PARD3: variants seen among roughly 807,000 people sequenced by gnomAD.
PARD3 encodes the protein par-3 family cell polarity regulator.
In PARD3, 75 loss-of-function variants were observed where a neutral mutation model predicts 155.4. The ratio of observed to expected loss-of-function variants is 0.48; its 90% confidence interval spans 0.40 to 0.58. The LOEUF (loss-of-function observed/expected upper bound fraction) is 0.58, where lower values mean the gene tolerates loss of function less well. Ranked by LOEUF, PARD3 falls within the 20% of genes least tolerant of loss-of-function variation. PARD3 has a pLI of 0.00. For missense variants in PARD3, 1,642 were observed against 1,721.7 expected (o/e 0.95, Z 0.82); for synonymous variants, 576 against 610.5 (o/e 0.94, Z 0.83).
chr10:34,185,233 C>T (rs143311187), intron 22 of PARD3, among the ~76,000 whole-genome samples: 360 of 152,250 alleles, frequency 2.4e-3, no homozygotes, highest in African/African-American at 7.9e-3. Context: ...GCACTTCAAA[C>T]CTGGAAAAAC....
At chr10:34,638,001 T>C (rs576886710) in intron 2 of PARD3, among the ~76,000 whole-genome samples, 1 of 152,264 alleles carries the variant, frequency 6.6e-6, no homozygotes, top group African/African-American at 2.4e-5. Context: ...ACACGGACTG[T>C]GCACCCGCCA....
At chr10:34,396,696 T>C (rs1843381421) in intron 7 of PARD3, among the ~76,000 whole-genome samples, 1 of 152,332 alleles carries the variant, frequency 6.6e-6, no homozygotes, top group South Asian at 2.1e-4. Context: ...ACTGGAGTTT[T>C]ATATAAGGGA....
chr10:34,238,766 T>G (rs996756313), intron 22 of PARD3, among the ~76,000 whole-genome samples: 6 of 152,170 alleles, frequency 3.9e-5, no homozygotes, highest in Non-Finnish European at 7.3e-5. Context: ...CTCCACCTCC[T>G]ATAAGAAAGA....
intron 12 of PARD3, 129 bp from the exon 13 acceptor site, chr10:34,360,388 A>G: frequency 1.6e-6 from 1 of 625,824 alleles, no homozygotes; most frequent in South Asian, 2.2e-5. Flanking sequence ...GTTCCACAGC[A>G]AGATCCATGA....
chr10:34,258,109 T>C (rs773126452), intron 22 of PARD3, among the ~76,000 whole-genome samples: 71 of 152,310 alleles, frequency 4.7e-4, no homozygotes, highest in Middle Eastern at 3.4e-3. Flanking sequence ...TAGCCTGAGA[T>C]TGGATGTCTT....
chr10:34,696,532 A>G (rs2094176061), intron 1 of PARD3, 113 bp from the exon 2 acceptor site: 2 of 706,908 alleles, frequency 2.8e-6, no homozygotes, highest in East Asian at 5.0e-5. Context: ...ACCTCATATC[A>G]ACAATACTGC....
At chr10:34,202,992 C>T (rs1000319268) in intron 22 of PARD3, among the ~76,000 whole-genome samples, 3 of 152,182 alleles carry the variant, frequency 2.0e-5, no homozygotes, top group African/African-American at 7.2e-5. Context: ...TCACTGAGGT[C>T]TGCACTTGAA....
intron 2 of PARD3, among the ~76,000 whole-genome samples, chr10:34,546,323 C>T (rs1762574527): frequency 6.6e-6 from 1 of 151,980 alleles, no homozygotes; most frequent in African/African-American, 2.4e-5. Flanking sequence ...CGAGACCAGT[C>T]TGTCCAACAT....
intron 4 of PARD3, among the ~76,000 whole-genome samples, chr10:34,465,231 T>C (rs964957289): frequency 6.6e-6 from 1 of 152,084 alleles, no homozygotes; most frequent in Non-Finnish European, 1.5e-5. Context: ...GCAGAACCCA[T>C]GGACACAGAA....
intron 22 of PARD3, among the ~76,000 whole-genome samples, chr10:34,135,248 A>G (rs969090500): frequency 6.6e-6 from 1 of 152,236 alleles, no homozygotes; most frequent in East Asian, 1.9e-4. Flanking sequence ...AGACAGTTTT[A>G]GTCCAATACC....
chr10:34,377,909 C>T (rs1841419242), intron 10 of PARD3, 58 bp downstream of exon 10: 2 of 1,354,284 alleles, frequency 1.5e-6, no homozygotes, highest in Non-Finnish European at 2.0e-6. Context: ...TAAAAGTTGG[C>T]TCCTGGAAAT....
chr10:34,319,754 C>T (rs1958264567), intron 19 of PARD3, among the ~76,000 whole-genome samples: 1 of 152,204 alleles, frequency 6.6e-6, no homozygotes, highest in Non-Finnish European at 1.5e-5. Context: ...TAGTGTGTTG[C>T]TTAATGCCCT....
At chr10:34,801,147 G>C (rs763862863) in intron 1 of PARD3, among the ~76,000 whole-genome samples, 3 of 152,208 alleles carry the variant, frequency 2.0e-5, no homozygotes, top group Non-Finnish European at 4.4e-5. Context: ...GTGAAGGCAA[G>C]AGACAGACGC....
chr10:34,350,410 C>A (rs999902598), intron 14 of PARD3, among the ~76,000 whole-genome samples: 1 of 152,026 alleles, frequency 6.6e-6, no homozygotes, highest in East Asian at 1.9e-4. Flanking sequence ...TTTGGAAGGC[C>A]GAGGCGGGTG....
chr10:34,399,533 G>T (rs765784789), intron 6 of PARD3, 120 bp from the exon 7 acceptor site: 4 of 696,836 alleles, frequency 5.7e-6, no homozygotes, highest in Non-Finnish European at 1.0e-5. Context: ...AAAGAGAACA[G>T]AACAAAAATC....
At chr10:34,781,570 G>T (rs1490795759) in intron 1 of PARD3, among the ~76,000 whole-genome samples, 1 of 152,238 alleles carries the variant, frequency 6.6e-6, no homozygotes, top group Non-Finnish European at 1.5e-5. Context: ...AATGGTAGGT[G>T]ACAGCTGGAT....
chr10:34,694,042 G>A (rs535419545), intron 2 of PARD3, among the ~76,000 whole-genome samples: 4 of 152,030 alleles, frequency 2.6e-5, no homozygotes, highest in Middle Eastern at 6.8e-3. Context: ...GATGTCAGGT[G>A]ATTAATTCCT....
intron 2 of PARD3, among the ~76,000 whole-genome samples, chr10:34,545,337 TAG>T (rs2083956084): frequency 6.6e-6 from 1 of 151,898 alleles, no homozygotes; most frequent in South Asian, 2.1e-4. Context: ...AACCTGGGAG[TAG>T]AGTTTTCAAA....
chr10:34,254,251 G>A (rs771124254), intron 22 of PARD3, among the ~76,000 whole-genome samples: 3 of 151,936 alleles, frequency 2.0e-5, no homozygotes, highest in Admixed American at 6.6e-5. Flanking sequence ...ATGGTGGCAC[G>A]TGCTGTAGTC....
Sources: gnomAD v4.1 joint callset for allele counts (sites outside exome capture counted in the v4.1 genomes callset) on GRCh38, gnomAD v4.1.1 for gene constraint, MANE v1.5 for transcripts, NCBI Gene and HGNC (gene_info 2026-07-23, HGNC 2026-07-21) for gene names.